The following ARHGEF3 variants were observed in gnomAD, a reference collection of about 807,000 sequenced individuals.
ARHGEF3 encodes 59.8 kDA protein.
ARHGEF3 carries 28 observed loss-of-function variants against 63.2 expected under a neutral mutation model. The observed-to-expected ratio is 0.44, with a 90% confidence interval of 0.33 to 0.61. The LOEUF is 0.61. Ranked by LOEUF, ARHGEF3 falls within the 20% of genes least tolerant of loss-of-function variation. The pLI is 0.03. For synonymous variants in ARHGEF3, 266 were observed against 254.2 expected, an observed-to-expected ratio of 1.05 and a Z score of -0.44; for missense variants, 533 against 659.3, an observed-to-expected ratio of 0.81 and a Z score of 2.10.
intron 1 of ARHGEF3, among the ~76,000 whole-genome samples, chr3:57,070,971 CAAAA>C (rs1231328722): frequency 4.0e-5 from 2 of 49,680 alleles, no homozygotes; most frequent in Non-Finnish European, 4.5e-5. Flanking sequence ...GACTCTGTCA[CAAAA>C]AAAAAAAAAA....
intron 3 of ARHGEF3, among the ~76,000 whole-genome samples, chr3:56,917,786 G>A (rs1054357885): frequency 6.6e-6 from 1 of 152,204 alleles, no homozygotes; most frequent in Non-Finnish European, 1.5e-5. Flanking sequence ...ACTTTAATAG[G>A]TCTGGAAGCT....
At chr3:56,949,129 C>G (rs1253804463) in intron 3 of ARHGEF3, among the ~76,000 whole-genome samples, 1 of 151,874 alleles carries the variant, frequency 6.6e-6, no homozygotes, top group Admixed American at 6.6e-5. Flanking sequence ...GGATGTATCT[C>G]AAAATAATAA....
chr3:56,905,326 C>T (rs2041648138), intron 3 of ARHGEF3, among the ~76,000 whole-genome samples: 1 of 152,206 alleles, frequency 6.6e-6, no homozygotes, highest in Admixed American at 6.5e-5. Context: ...ATAAGCAAAT[C>T]ATCTATTTTA....
chr3:56,755,268 T>G (rs1466817429), intron 2 of ARHGEF3, 117 bp from the exon 3 acceptor site: 2 of 1,176,438 alleles, frequency 1.7e-6, no homozygotes, highest in East Asian at 4.8e-5. Context: ...AAAGAGGACA[T>G]TGCCACAAGG....
rs1560093893 is a variant in ARHGEF3, at chr3:56,968,168, TA to T, written c.63-9280del. Reference sequence around the variant, plus strand: ...AATATATATAAAAATATATATTATATAATATATATAAAAATATATATTATAT... The same window carrying T: ...AATATATATAAAAATATATATTATATATATATATAAAAATATATATTATAT... On this transcript the variant is annotated intron_variant, in intron 2 of 12. Coordinates refer to the ARHGEF3 transcript ENST00000338458. Among the ~76,000 whole-genome samples the T allele has an allele frequency of 5.2e-3, 135 of 25,978 alleles. 3 individuals are homozygous for T. Among genetic ancestry groups the T allele is most frequent in the East Asian group, 0.027 (10 of 374 alleles). 17.0% of individuals were successfully genotyped at this position (25,978 alleles called of 152,430 possible).
intron 3 of ARHGEF3, among the ~76,000 whole-genome samples, chr3:56,927,728 T>C (rs985025832): frequency 3.3e-5 from 5 of 151,964 alleles, no homozygotes; most frequent in African/African-American, 1.2e-4. Flanking sequence ...TGGTACCGCA[T>C]ATGAGCTGCA....
At chr3:56,968,334 A>ATT (rs373914899) in intron 2 of ARHGEF3, among the ~76,000 whole-genome samples, 1 of 56,824 alleles carries the variant, frequency 1.8e-5, no homozygotes, top group African/African-American at 6.1e-5. Context: ...ATATATATAT[A>ATT]ATATATAATA....
intron 1 of ARHGEF3, chr3:56,775,673 C>A: frequency 1.0e-6 from 1 of 985,764 alleles, no homozygotes; most frequent in Non-Finnish European, 1.2e-6. Flanking sequence ...GTGACAATGC[C>A]CTTCAGGATG....
intron 2 of ARHGEF3, among the ~76,000 whole-genome samples, chr3:57,008,633 G>C (rs889809698): frequency 1.3e-5 from 2 of 151,998 alleles, no homozygotes; most frequent in African/African-American, 4.8e-5. Flanking sequence ...ATTACACCCA[G>C]CTAATTTTTG....
intron 1 of ARHGEF3, among the ~76,000 whole-genome samples, chr3:57,037,411 C>T (rs2107237056): frequency 6.6e-6 from 1 of 152,228 alleles, no homozygotes; most frequent in East Asian, 1.9e-4. Flanking sequence ...TTTACACCCA[C>T]ATTCCAAAAT....
chr3:56,916,028 G>A (rs1234348143), intron 3 of ARHGEF3, among the ~76,000 whole-genome samples: 1 of 152,050 alleles, frequency 6.6e-6, no homozygotes, highest in East Asian at 1.9e-4. Context: ...GCTAAAGGAG[G>A]CCCTGACAGC....
chr3:56,746,071 T>C (rs962358977), intron 6 of ARHGEF3, among the ~76,000 whole-genome samples: 42 of 152,378 alleles, frequency 2.8e-4, no homozygotes, highest in African/African-American at 1.0e-3. Flanking sequence ...TCAGTCACAC[T>C]GTGCAAATAC....
intron 2 of ARHGEF3, among the ~76,000 whole-genome samples, chr3:56,991,428 C>T (rs540163753): frequency 9.2e-5 from 14 of 152,264 alleles, no homozygotes; most frequent in Non-Finnish European, 1.8e-4. Flanking sequence ...ATCTACACCC[C>T]GAGTCTGCTT....
At chr3:56,965,197 G>A (rs1233630583) in intron 2 of ARHGEF3, among the ~76,000 whole-genome samples, 2 of 152,198 alleles carry the variant, frequency 1.3e-5, no homozygotes, top group East Asian at 1.9e-4. Flanking sequence ...CAAGGCTGCA[G>A]TCAGGGATGA....
At position 56,745,331 on chromosome 3, in the gene ARHGEF3, GC is replaced by G. The variant is rs1208613908; in HGVS notation, c.743del (p.Arg248ProfsTer3). 6.2e-7 allele frequency: 1 copy of G among 1,614,068 alleles called. No homozygotes were observed. On this transcript the variant is annotated frameshift_variant, in exon 7 of 10. Coordinates refer to ENST00000296315, the MANE Select transcript of ARHGEF3 (RefSeq NM_019555.3). LOFTEE classifies it high-confidence loss of function. ...LQRCLESPFS[R>X]KLDLWNFLDI... ...CGAGGAAATTCCAGAGATCTAGTTT[GC>G]GGCTAAAGGGGGATTCTAAACATCG...
At chr3:56,980,857 G>A (rs1701299626) in intron 2 of ARHGEF3, among the ~76,000 whole-genome samples, 1 of 152,182 alleles carries the variant, frequency 6.6e-6, no homozygotes, top group Non-Finnish European at 1.5e-5. Context: ...CAAGTTCATC[G>A]GCCTCCGAGG....
intron 4 of ARHGEF3, among the ~76,000 whole-genome samples, chr3:56,864,975 GT>G (rs1465526437): frequency 6.6e-6 from 1 of 152,096 alleles, no homozygotes; most frequent in Non-Finnish European, 1.5e-5. Flanking sequence ...AGGCAATTTT[GT>G]TCTTTACTGT....
chr3:56,947,872 T>G (rs1699597656), intron 3 of ARHGEF3, among the ~76,000 whole-genome samples: 2 of 152,180 alleles, frequency 1.3e-5, no homozygotes, highest in Admixed American at 6.5e-5. Context: ...GACCACATAG[T>G]TGGAAGTAAA....
chr3:56,897,391 C>T (rs906114317), intron 3 of ARHGEF3, among the ~76,000 whole-genome samples: 66 of 152,124 alleles, frequency 4.3e-4, no homozygotes, highest in African/African-American at 1.5e-3. Context: ...AACTCTGGTT[C>T]CCTTTAGTGG....
Sources: gnomAD v4.1 joint callset for allele counts (sites outside exome capture counted in the v4.1 genomes callset) on GRCh38, gnomAD v4.1.1 for gene constraint, MANE v1.5 for transcripts, NCBI Gene and HGNC (gene_info 2026-07-23, HGNC 2026-07-21) for gene names.